GPC6: variants seen among roughly 807,000 people sequenced by gnomAD.
The protein encoded by GPC6 is glypican 6.
Under a neutral mutation model 55.2 loss-of-function variants are expected in GPC6, and 14 were observed. The ratio of observed to expected loss-of-function variants is 0.25; its 90% CI spans 0.17 to 0.40. The LOEUF (loss-of-function observed/expected upper bound fraction) is 0.40, where lower values mean the gene tolerates loss of function less well. GPC6 is among the 10% of genes least tolerant of loss of function. The pLI, the probability that GPC6 is intolerant of heterozygous loss-of-function variation, is 1.00. For missense variants in GPC6, 641 were observed against 708.5 expected, an observed-to-expected ratio of 0.90 and a Z score of 1.08; for synonymous variants, 278 against 259.6, an observed-to-expected ratio of 1.07 and a Z score of -0.68.
chr13:94,108,792 A>G (rs1287041337), intron 4 of GPC6, among the ~76,000 whole-genome samples: 2 of 151,964 alleles, frequency 1.3e-5, no homozygotes, highest in Non-Finnish European at 2.9e-5. Context: ...CAGTGAGCCA[A>G]GATGGCAGCA....
chr13:93,937,799 G>A (rs9561478), intron 3 of GPC6, among the ~76,000 whole-genome samples: 50,834 of 151,822 alleles, frequency 0.33, 8,713 homozygotes, highest in Middle Eastern at 0.43. Context: ...GGCTGGTCTC[G>A]AGCTCCTGAC....
At chr13:94,117,230 G>T (rs932091747) in intron 4 of GPC6, among the ~76,000 whole-genome samples, 3 of 152,092 alleles carry the variant, frequency 2.0e-5, no homozygotes, top group African/African-American at 7.2e-5. Flanking sequence ...CCACCTCACT[G>T]ACTCTGCTTT....
chr13:93,871,875 A>G (rs1463017871), intron 3 of GPC6, among the ~76,000 whole-genome samples: 1 of 151,882 alleles, frequency 6.6e-6, no homozygotes, highest in African/African-American at 2.4e-5. Flanking sequence ...TTACTTATAT[A>G]CTTGAAATTT....
At chr13:94,126,565 A>T (rs180932686) in intron 4 of GPC6, among the ~76,000 whole-genome samples, 6 of 152,246 alleles carry the variant, frequency 3.9e-5, no homozygotes, top group Non-Finnish European at 8.8e-5. Context: ...CTCTAAAATT[A>T]ATTTCTGGTT....
chr13:93,768,468 G>A (rs541288939), intron 2 of GPC6, among the ~76,000 whole-genome samples: 1 of 152,208 alleles, frequency 6.6e-6, no homozygotes, highest in South Asian at 2.1e-4. Flanking sequence ...ATTCACCACT[G>A]TATTCCAGGT....
At chr13:93,968,872 A>G (rs1340022436) in intron 3 of GPC6, among the ~76,000 whole-genome samples, 1 of 152,172 alleles carries the variant, frequency 6.6e-6, no homozygotes, top group Non-Finnish European at 1.5e-5. Flanking sequence ...TCAATATAGA[A>G]TTATTTGGAA....
intron 1 of GPC6, among the ~76,000 whole-genome samples, chr13:93,381,887 A>G (rs9561336): frequency 0.15 from 23,081 of 152,056 alleles, 2,445 homozygotes; most frequent in East Asian, 0.53. Flanking sequence ...ACTACTTACC[A>G]GTCATAATTA....
chr13:93,439,995 T>G (rs1167578668), intron 1 of GPC6, among the ~76,000 whole-genome samples: 3 of 152,206 alleles, frequency 2.0e-5, no homozygotes, highest in Non-Finnish European at 4.4e-5. Flanking sequence ...CTTAGTACAG[T>G]GTGTGGCACA....
rs1555316178 is a variant in GPC6, at chr13:94,288,961, A to AGATAGATAGATC, written c.1008+2493_1008+2494insCGATAGATAGAT. Among the ~76,000 whole-genome samples the AGATAGATAGATC allele has an allele frequency of 3.2e-3, 420 of 131,160 alleles. 13 individuals carry two copies. Among genetic ancestry groups the AGATAGATAGATC allele is most frequent in the African/African-American group, 0.011 (382 of 34,402 alleles). 86.0% of individuals were successfully genotyped at this position (131,160 alleles called of 152,430 possible). A position where few individuals can be genotyped will look rare whatever the true frequency, so the allele number is the denominator to read the frequency against. On this transcript the variant is annotated intron_variant, in intron 5 of 8. Coordinates refer to ENST00000377047, the MANE Select transcript of GPC6 (RefSeq NM_005708.5). ...TAGATAGATAGATAGATATATAGAT[A>AGATAGATAGATC]GATAGATAGATAATATATATATGTA...
chr13:93,725,335 G>T (rs1883596673), intron 2 of GPC6, among the ~76,000 whole-genome samples: 1 of 151,870 alleles, frequency 6.6e-6, no homozygotes, highest in Non-Finnish European at 1.5e-5. Flanking sequence ...GTTTACTCTT[G>T]GTTGTAAGGC....
chr13:93,710,729 A>G (rs1052777676), intron 2 of GPC6, among the ~76,000 whole-genome samples: 2 of 146,806 alleles, frequency 1.4e-5, no homozygotes, highest in African/African-American at 5.1e-5. Flanking sequence ...GAAGAAACTT[A>G]TAGAAATTAT....
intron 1 of GPC6, among the ~76,000 whole-genome samples, chr13:93,257,142 C>CAA (rs142725369): frequency 4.7e-5 from 7 of 149,376 alleles, no homozygotes; most frequent in South Asian, 2.1e-4. Flanking sequence ...TTTTCTCTAC[C>CAA]AAAAAAAAAA....
chr13:94,098,062 G>A (rs907327268), intron 4 of GPC6, among the ~76,000 whole-genome samples: 2 of 152,174 alleles, frequency 1.3e-5, no homozygotes, highest in African/African-American at 4.8e-5. Flanking sequence ...GAGAGCTCAT[G>A]GTCCAAGTCA....
chr13:93,547,412 T>G (rs962285433), intron 2 of GPC6, among the ~76,000 whole-genome samples: 3 of 152,154 alleles, frequency 2.0e-5, no homozygotes, highest in Non-Finnish European at 4.4e-5. Context: ...CTTCTTGTAT[T>G]ATATCAATAA....
intron 1 of GPC6, among the ~76,000 whole-genome samples, chr13:93,446,715 T>C (rs897326016): frequency 6.6e-6 from 1 of 152,318 alleles, no homozygotes; most frequent in South Asian, 2.1e-4. Context: ...CTGAAAGATA[T>C]GTAGAAATTG....
chr13:93,650,727 A>G (rs1175816171), intron 2 of GPC6, among the ~76,000 whole-genome samples: 1 of 152,216 alleles, frequency 6.6e-6, no homozygotes, highest in East Asian at 1.9e-4. Flanking sequence ...TTCCTAGTCA[A>G]TTCAGTAATC....
At chr13:93,463,755 T>A (rs1225417919) in intron 1 of GPC6, among the ~76,000 whole-genome samples, 1 of 152,014 alleles carries the variant, frequency 6.6e-6, no homozygotes, top group Non-Finnish European at 1.5e-5. Context: ...CTTTTTTTTT[T>A]TTCTTTTTTC....
chr13:93,432,411 G>C (rs1353343128), intron 1 of GPC6, among the ~76,000 whole-genome samples: 1 of 152,108 alleles, frequency 6.6e-6, no homozygotes, highest in Admixed American at 6.6e-5. Context: ...GGTGATATTT[G>C]AGCTGGGCCA....
rs531440645 is a variant in GPC6, at chr13:94,196,507, G to A, written c.878-89842G>A. On this transcript the variant is annotated intron_variant, in intron 4 of 8. Coordinates refer to ENST00000377047, the MANE Select transcript of GPC6 (RefSeq NM_005708.5). The stretch of plus-strand genomic sequence containing the variant: ...ACAGAAAATATCATTTTAAGATGCC[G>A]GGTGGTTTCAGACTCTCAACACTGA... 1.1e-3 allele frequency among the ~76,000 whole-genome samples: 161 copies of A among 152,248 alleles called. No homozygotes were observed. In the Middle Eastern group the frequency reaches 0.014, roughly 13 times the overall value.
Sources: allele counts gnomAD v4.1 joint callset (sites outside exome capture counted in the v4.1 genomes callset), GRCh38; gene constraint gnomAD v4.1.1; transcripts MANE v1.5; gene names NCBI Gene and HGNC (gene_info 2026-07-23, HGNC 2026-07-21).